CREB5: variants seen among roughly 807,000 people sequenced by gnomAD.
CREB5 encodes the protein cAMP responsive element binding protein 5.
In CREB5, 19 loss-of-function variants were observed where a neutral mutation model predicts 57.1. The ratio of observed to expected loss-of-function variants is 0.33; its 90% confidence interval spans 0.23 to 0.49. CREB5 has a LOEUF of 0.49. CREB5 is among the 20% of genes least tolerant of loss of function. The pLI is 0.99. For synonymous variants in CREB5, 238 were observed against 238.3 expected, an observed-to-expected ratio of 1.00 and a Z score of 0.01; for missense variants, 579 against 671.6, an observed-to-expected ratio of 0.86 and a Z score of 1.52.
chr7:28,384,199 C>T (rs1037089749), intron 1 of CREB5, among the ~76,000 whole-genome samples: 12 of 152,104 alleles, frequency 7.9e-5, no homozygotes, highest in Admixed American at 6.6e-4. Flanking sequence ...AAAGGACGAG[C>T]GTCTGTAGTT....
At chr7:28,655,725 T>A (rs149638603) in intron 5 of CREB5, among the ~76,000 whole-genome samples, 2 of 152,354 alleles carry the variant, frequency 1.3e-5, no homozygotes, top group African/African-American at 2.4e-5. Flanking sequence ...TGTGCTTTTT[T>A]ATCACAAAAA....
Position 28,412,792 on chromosome 7 carries a change from T to G in CREB5, c.-123T>G, listed in dbSNP as rs1426261848. The G allele has an allele frequency of 4.8e-6, 4 of 836,526 alleles. No individual in the cohort carries two copies. The Admixed American group carries it at 1.2e-4, about 24-fold the overall frequency. The allele number at this position is 836,526 out of a possible 1,614,324, so 51.8% of individuals were successfully genotyped here. On this transcript the variant is annotated 5_prime_UTR_variant, in exon 1 of 11. Coordinates refer to ENST00000357727, the MANE Select transcript of CREB5 (RefSeq NM_182898.4). ...TTCTGGTCTGAAATACTGAGGCAAATACTCAAGACTTATTTTCTTCCTAAT... is the reference window on the plus strand; with the variant it reads ...TTCTGGTCTGAAATACTGAGGCAAAGACTCAAGACTTATTTTCTTCCTAAT...
At chr7:28,319,500 T>C (rs776959395) in intron 1 of CREB5, among the ~76,000 whole-genome samples, 2 of 152,184 alleles carry the variant, frequency 1.3e-5, no homozygotes, top group African/African-American at 4.8e-5. Context: ...GAACAAAAGA[T>C]AAAGAGGAGG....
chr7:28,328,318 A>G (rs1432162674), intron 1 of CREB5, among the ~76,000 whole-genome samples: 1 of 152,238 alleles, frequency 6.6e-6, no homozygotes, highest in Non-Finnish European at 1.5e-5. Flanking sequence ...GAAAGAACTA[A>G]GAAACAGAGC....
intron 4 of CREB5, among the ~76,000 whole-genome samples, chr7:28,543,591 A>AAG (rs1794298769): frequency 6.6e-6 from 1 of 151,578 alleles, no homozygotes; most frequent in Admixed American, 6.6e-5. Flanking sequence ...AAAAAAAAAA[A>AAG]AAAAAAAAAA....
At chr7:28,758,879 T>C (rs1475678945) in intron 7 of CREB5, among the ~76,000 whole-genome samples, 1 of 146,314 alleles carries the variant, frequency 6.8e-6, no homozygotes, top group Non-Finnish European at 1.6e-5. Flanking sequence ...GTTTTGTTAG[T>C]TGACTTACAG....
chr7:28,514,100 G>A (rs1190105182), intron 4 of CREB5, among the ~76,000 whole-genome samples: 1 of 152,198 alleles, frequency 6.6e-6, no homozygotes, highest in East Asian at 1.9e-4. Flanking sequence ...CATCTCCCTT[G>A]GCGAGTTTGC....
At chr7:28,564,857 G>A (rs901762266) in intron 4 of CREB5, among the ~76,000 whole-genome samples, 1 of 152,148 alleles carries the variant, frequency 6.6e-6, no homozygotes, top group African/African-American at 2.4e-5. Flanking sequence ...AAAAATCAAC[G>A]TTTGTAGGTC....
chr7:28,543,168 C>A (rs1264447253), intron 4 of CREB5, among the ~76,000 whole-genome samples: 4 of 152,100 alleles, frequency 2.6e-5, no homozygotes, highest in Non-Finnish European at 5.9e-5. Context: ...GTCTGTTGGC[C>A]ATTTTTTAAG....
intron 1 of CREB5, among the ~76,000 whole-genome samples, chr7:28,316,948 A>G (rs74698415): frequency 4.0e-5 from 6 of 151,722 alleles, no homozygotes; most frequent in Admixed American, 6.6e-5. Flanking sequence ...TGTTGGGTCA[A>G]CAATAAATAT....
At chr7:28,712,104 G>A (rs1802423538) in intron 5 of CREB5, among the ~76,000 whole-genome samples, 1 of 152,122 alleles carries the variant, frequency 6.6e-6, no homozygotes, top group African/African-American at 2.4e-5. Flanking sequence ...TCCAACCTAG[G>A]TAGTCTGGCC....
At chr7:28,672,858 A>G (rs1166699419) in intron 5 of CREB5, among the ~76,000 whole-genome samples, 1 of 152,216 alleles carries the variant, frequency 6.6e-6, no homozygotes, top group East Asian at 1.9e-4. Context: ...TCATGCTCCA[A>G]CACTGTGTGA....
intron 4 of CREB5, among the ~76,000 whole-genome samples, chr7:28,530,559 CCTT>C (rs1170264537): frequency 3.3e-5 from 5 of 152,186 alleles, no homozygotes; most frequent in African/African-American, 1.2e-4. Context: ...ATTTATTTTT[CCTT>C]CTTGCTGCAA....
intron 7 of CREB5, among the ~76,000 whole-genome samples, chr7:28,802,614 A>G (rs1178632926): frequency 1.3e-5 from 2 of 152,256 alleles, no homozygotes; most frequent in Non-Finnish European, 2.9e-5. Flanking sequence ...ATCTCTGCAT[A>G]AGATATATTT....
At chr7:28,537,382 T>C (rs1386401293) in intron 4 of CREB5, among the ~76,000 whole-genome samples, 1 of 151,830 alleles carries the variant, frequency 6.6e-6, no homozygotes, top group Non-Finnish European at 1.5e-5. Context: ...TTAAAGCCTT[T>C]TTTTTTTAAC....
intron 5 of CREB5, among the ~76,000 whole-genome samples, chr7:28,671,112 A>C (rs894461070): frequency 2.0e-5 from 3 of 151,960 alleles, no homozygotes; most frequent in African/African-American, 7.2e-5. Flanking sequence ...AAAATTTTTA[A>C]AAATGAGCAG....
chr7:28,505,642 A>G (rs1792451792), intron 3 of CREB5, among the ~76,000 whole-genome samples: 2 of 152,364 alleles, frequency 1.3e-5, no homozygotes, highest in South Asian at 2.1e-4. Flanking sequence ...AATTTAGATC[A>G]AAAAGGGATA....
rs74675408 is a variant in CREB5 at position 28,331,263 on chromosome 7, C to T, written c.-25+31822C>T. Among the ~76,000 whole-genome samples the T allele has an allele frequency of 7.9e-3, 1,209 of 152,114 alleles. 16 individuals are homozygous for T. Among genetic ancestry groups the T allele is most frequent in the African/African-American group, 0.028 (1,149 of 41,480 alleles). On this transcript the variant is annotated intron_variant, in intron 1 of 9. Coordinates refer to the CREB5 transcript ENST00000396299. ...ATCACCCATCCATCCCATGAAAATT[C>T]AATACCATAGTTTGGTGTTCCTAAG...
At chr7:28,360,573 G>A (rs2127992060) in intron 1 of CREB5, among the ~76,000 whole-genome samples, 2 of 152,294 alleles carry the variant, frequency 1.3e-5, no homozygotes, top group East Asian at 1.9e-4. Context: ...GAGAGTGGGG[G>A]AAATAGGGAG....
Sources: allele counts gnomAD v4.1 joint callset (sites outside exome capture counted in the v4.1 genomes callset), GRCh38; gene constraint gnomAD v4.1.1; transcripts MANE v1.5; gene names NCBI Gene and HGNC (gene_info 2026-07-23, HGNC 2026-07-21).